MCM10: variants seen among roughly 807,000 people sequenced by gnomAD.
MCM10 encodes protein MCM10 homolog.
A neutral mutation model predicts 109.9 loss-of-function variants in MCM10; 91 were observed. The ratio of observed to expected loss-of-function variants is 0.83; its 90% confidence interval spans 0.70 to 0.99. MCM10 has a LOEUF of 0.99. Among genes scored for constraint, MCM10 ranks in the 50% least tolerant of loss-of-function variants. The probability of loss-of-function intolerance (pLI) is 0.00; values close to 1 mark genes in which losing one functional copy is unlikely to be tolerated. For synonymous variants in MCM10, 380 were observed against 387.2 expected (o/e 0.98, Z 0.22); for missense variants, 1,077 against 1,061.2 (o/e 1.01, Z -0.21).
chr10:13,211,073 A>AT lies in MCM10; in HGVS notation c.*1767dup, dbSNP rs1412432331. ...TATCTGGATGCCTTTTTACAATTTG[A>AT]TTTTAACTTTTAAAATAAATTTAAA... On this transcript the variant is annotated 3_prime_UTR_variant, in exon 20 of 20. Coordinates refer to ENST00000378714, the MANE Select transcript of MCM10 (RefSeq NM_018518.5). 1 of 152,102 alleles carries AT rather than the reference A, an allele frequency of 6.6e-6. No homozygotes were observed. The highest frequency in any genetic ancestry group is 1.5e-5 in the Non-Finnish European group (1 of 68,008). 9.4% of individuals were successfully genotyped at this position (152,102 alleles called of 1,614,324 possible).
chr10:13,182,840 G>C lies in MCM10; in HGVS notation c.931-93G>C, dbSNP rs1260495760. On this transcript the variant is annotated intron_variant, in intron 7 of 19. Coordinates refer to ENST00000378714, the MANE Select transcript of MCM10 (RefSeq NM_018518.5). This position sits in a 1 kb window ranked among gnomAD's most constrained non-coding sequence, Gnocchi z 4.2. The stretch of plus-strand genomic sequence containing the variant: ...AAAAACTTGGATTTTATGGATTATA[G>C]GCATATAGTTTTCCATAGTAAAACT... 1 of 933,612 alleles carries C rather than the reference G, an allele frequency of 1.1e-6. No homozygotes were observed. The highest frequency in any genetic ancestry group is 1.6e-6 in the Non-Finnish European group (1 of 624,050). The allele number at this position is 933,612 out of a possible 1,614,324, so 57.8% of individuals were successfully genotyped here.
intron 13 of MCM10, among the ~76,000 whole-genome samples, chr10:13,194,129 C>T (rs1288902741): frequency 1.3e-5 from 2 of 152,024 alleles, no homozygotes; most frequent in African/African-American, 2.4e-5. Flanking sequence ...TTTGGGAGGC[C>T]GAGGCAGGCA....
rs997185077 is a variant in MCM10, at chr10:13,189,160, C to T, written c.1415+80C>T. ...ACCTACTGGTTGTACCTTCCTGTAACCGTCATAGGATACTTGTACAGGTTT... is the reference window on the plus strand; with the variant it reads ...ACCTACTGGTTGTACCTTCCTGTAATCGTCATAGGATACTTGTACAGGTTT... On this transcript the variant is annotated intron_variant, in intron 10 of 19. Transcript: ENST00000378714. 9 of 1,421,298 alleles carry T rather than the reference C, an allele frequency of 6.3e-6. No individual in the cohort carries two copies. The East Asian group carries it at 1.8e-4, about 29-fold the overall frequency. The allele number at this position is 1,421,298 out of a possible 1,614,324, so 88.0% of individuals were successfully genotyped here. A position where few individuals can be genotyped will look rare whatever the true frequency, so the allele number is the denominator to read the frequency against.
chr10:13,177,972 A>G (rs1588469255), intron 6 of MCM10, among the ~76,000 whole-genome samples: 2 of 152,092 alleles, frequency 1.3e-5, no homozygotes, highest in African/African-American at 4.8e-5. Context: ...TTATTTGTCT[A>G]TTTTTGCTTT....
chr10:13,204,768 G>A (rs554831466), intron 18 of MCM10, among the ~76,000 whole-genome samples: 1 of 151,842 alleles, frequency 6.6e-6, no homozygotes, highest in South Asian at 2.1e-4. Context: ...GTATCCAAGG[G>A]GCATTGGTCC....
At chr10:13,197,798 A>T in intron 15 of MCM10, 31 bp downstream of exon 15, 1 of 1,589,206 alleles carries the variant, frequency 6.3e-7, no homozygotes, top group Non-Finnish European at 8.5e-7. Context: ...ACAGTGGGAA[A>T]GAGAAACTGT....
intron 6 of MCM10, among the ~76,000 whole-genome samples, chr10:13,178,904 A>G (rs1834174803): frequency 6.6e-6 from 1 of 152,084 alleles, no homozygotes; most frequent in Non-Finnish European, 1.5e-5. Context: ...TTTAGTTTTT[A>G]TTGTAGAGAT....
intron 15 of MCM10, 73 bp from the exon 16 acceptor site, chr10:13,198,616 A>C: frequency 1.1e-6 from 1 of 916,652 alleles, no homozygotes; most frequent in Non-Finnish European, 1.8e-6. Flanking sequence ...AGTGGGAGGG[A>C]GTAGAGTTGA....
intron 1 of MCM10, among the ~76,000 whole-genome samples, chr10:13,163,523 G>C (rs1833955087): frequency 6.6e-6 from 1 of 152,164 alleles, no homozygotes; most frequent in African/African-American, 2.4e-5. Flanking sequence ...TAGCTACGCT[G>C]TTTCTCTGTG....
In MCM10 at chr10:13,167,287, G is replaced by A. The variant is rs114987365; in HGVS notation, c.7+3078G>A. Among the ~76,000 whole-genome samples, 449 of 152,272 alleles carry A rather than the reference G, an allele frequency of 2.9e-3. 1 individual carries two copies. The highest frequency in any genetic ancestry group is 0.01 in the African/African-American group (431 of 41,554). ...CCACAGGGAGGGCATTAGGGGCAGG[G>A]GGTGATGGACAGGAAACACATTGTA... On this transcript the variant is annotated intron_variant, in intron 2 of 19. Transcript: ENST00000378714.
chr10:13,210,384 C>A lies in MCM10; in HGVS notation c.*1074C>A, dbSNP rs1477260491. ...CAGCAAAGGTTTCATTCAGGAGATT[C>A]TTCCATCTGGGCAACCTGGTTTTCC... On this transcript the variant is annotated 3_prime_UTR_variant, in exon 20 of 20. Coordinates refer to ENST00000378714, the MANE Select transcript of MCM10 (RefSeq NM_018518.5). 1.3e-5 allele frequency: 2 copies of A among 151,782 alleles called. No individual in the cohort carries two copies. Among genetic ancestry groups the A allele is most frequent in the African/African-American group, 4.8e-5 (2 of 41,308 alleles). The allele number at this position is 151,782 out of a possible 1,614,324, so 9.4% of individuals were successfully genotyped here.
At chr10:13,162,631 G>T (rs1833942080) in intron 1 of MCM10, among the ~76,000 whole-genome samples, 1 of 152,132 alleles carries the variant, frequency 6.6e-6, no homozygotes, top group Admixed American at 6.5e-5. Flanking sequence ...GAGGGAGGGT[G>T]CACAGTTTCA....
intron 18 of MCM10, among the ~76,000 whole-genome samples, chr10:13,207,761 T>G (rs2131593027): frequency 6.6e-6 from 1 of 152,302 alleles, no homozygotes; most frequent in South Asian, 2.1e-4. Context: ...TTGTGAGGCC[T>G]CCCCAGCCAT....
At chr10:13,173,059 G>T (rs1302928036) in intron 5 of MCM10, among the ~76,000 whole-genome samples, 1 of 152,050 alleles carries the variant, frequency 6.6e-6, no homozygotes, top group Admixed American at 6.5e-5. Flanking sequence ...AATAAAATTA[G>T]CCAGGTGTGT....
chr10:13,172,824 G>C lies in MCM10; in HGVS notation c.592+59G>C. The C allele has an allele frequency of 6.5e-7, 1 of 1,529,276 alleles. No individual in the cohort carries two copies. The highest frequency in any genetic ancestry group is 1.2e-5 in the South Asian group (1 of 86,668). The allele number at this position is 1,529,276 out of a possible 1,614,324, so 94.7% of individuals were successfully genotyped here. A position where few individuals can be genotyped will look rare whatever the true frequency, so the allele number is the denominator to read the frequency against. On this transcript the variant is annotated intron_variant, in intron 5 of 19. Transcript: ENST00000378714. This position sits in a 1 kb window ranked among gnomAD's most constrained non-coding sequence, Gnocchi z 5.2. ...ATTGTATGTGTTTATGTGTGTGGGG[G>C]TGTTCATGTGTGTGTGGGTGTCTGT...
At chr10:13,170,397 G>A (rs73577670) in intron 2 of MCM10, among the ~76,000 whole-genome samples, 13,070 of 152,028 alleles carry the variant, frequency 0.086, 1,151 homozygotes, top group African/African-American at 0.22. Context: ...TAATTTGAAG[G>A]TCAGGAATTA....
chr10:13,180,471 A>G lies in MCM10; in HGVS notation c.794A>G (p.Asn265Ser). The stretch of plus-strand genomic sequence containing the variant: ...CCTCGAGTATCCTCCACAGAAATGA[A>G]CAAGAAAATGACCGGCCGAAAACTG... ...RRPRVSSTEM[N>S]KKMTGRKLIR... is the part of the protein sequence containing the mutation. The change falls in exon 7 of 20, where the codon AAC becomes AGC. Residue 265 changes from asparagine to serine, a missense_variant. Transcript: ENST00000378714. 1 of 1,613,810 alleles carries G rather than the reference A, an allele frequency of 6.2e-7. No homozygotes were observed. Among genetic ancestry groups the G allele is most frequent in the Non-Finnish European group, 8.5e-7 (1 of 1,179,950 alleles).
chr10:13,169,948 C>T (rs55684352), intron 2 of MCM10, among the ~76,000 whole-genome samples: 1,719 of 152,332 alleles, frequency 0.011, 34 homozygotes, highest in African/African-American at 0.038. Flanking sequence ...TCAGGTGATC[C>T]TCCTGCCTTG....
chr10:13,165,386 G>A (rs1169600875), intron 2 of MCM10, among the ~76,000 whole-genome samples: 5 of 152,142 alleles, frequency 3.3e-5, no homozygotes, highest in Non-Finnish European at 5.9e-5. Flanking sequence ...TTCCTTATGT[G>A]AAACTCATTG....
Sources: gnomAD v4.1 joint callset for allele counts (sites outside exome capture counted in the v4.1 genomes callset) on GRCh38, gnomAD v4.1.1 for gene constraint, Gnocchi (gnomAD v3.1) non-coding constraint, MANE v1.5 for transcripts, NCBI Gene and HGNC (gene_info 2026-07-23, HGNC 2026-07-21) for gene names.